Variants in RBMS1 observed in about 807,000 individuals in gnomAD.
The protein encoded by RBMS1 is RNA-binding motif, single-stranded-interacting protein 1.
A neutral mutation model predicts 62.3 loss-of-function variants in RBMS1; 17 were observed. The observed-to-expected ratio is 0.27, with a 90% CI of 0.19 to 0.41. RBMS1 has a LOEUF of 0.41. Ranked by LOEUF, RBMS1 falls within the 10% of genes least tolerant of loss-of-function variation. The pLI, the probability that RBMS1 is intolerant of heterozygous loss-of-function variation, is 1.00. For missense variants in RBMS1, 334 were observed against 504.5 expected (o/e 0.66, Z 3.24); for synonymous variants, 172 against 170.0 (o/e 1.01, Z -0.09).
chr2:160,272,870 T>C lies in RBMS1; in HGVS notation c.*1902A>G, dbSNP rs1687649891. 6.6e-6 allele frequency: 1 copy of C among 152,234 alleles called. No individual in the cohort carries two copies. Among genetic ancestry groups the C allele is most frequent in the Non-Finnish European group, 1.5e-5 (1 of 68,046 alleles). 9.4% of individuals were successfully genotyped at this position (152,234 alleles called of 1,614,324 possible). On this transcript the variant is annotated 3_prime_UTR_variant, in exon 14 of 14. Coordinates refer to ENST00000348849, the MANE Select transcript of RBMS1 (RefSeq NM_016836.4). ...TATGAAATGTCACTGACATCTATCATCAAATACAAGCATAAAATTTAAGAA... is the reference window on the plus strand; with the variant it reads ...TATGAAATGTCACTGACATCTATCACCAAATACAAGCATAAAATTTAAGAA...
chr2:160,388,396 C>T (rs1296368375), intron 1 of RBMS1, among the ~76,000 whole-genome samples: 1 of 152,100 alleles, frequency 6.6e-6, no homozygotes, highest in African/African-American at 2.4e-5. Context: ...AATGAGCACC[C>T]CAAGAGTTTC....
chr2:160,465,445 A>G (rs113641267), intron 1 of RBMS1, among the ~76,000 whole-genome samples: 155 of 152,314 alleles, frequency 1.0e-3, no homozygotes, highest in African/African-American at 3.6e-3. Flanking sequence ...TTGTTTGATA[A>G]AAGAAGCACC....
At chr2:160,448,451 C>T (rs930868350) in intron 1 of RBMS1, among the ~76,000 whole-genome samples, 1 of 152,248 alleles carries the variant, frequency 6.6e-6, no homozygotes, top group Non-Finnish European at 1.5e-5. Flanking sequence ...CGCGCAGCCA[C>T]GCCTGACTGG....
chr2:160,296,024 G>GGC (rs1688917586), intron 6 of RBMS1, among the ~76,000 whole-genome samples: 1 of 152,214 alleles, frequency 6.6e-6, no homozygotes, highest in African/African-American at 2.4e-5. Flanking sequence ...GTGGGGCCCT[G>GGC]CTCGTGCAAA....
In RBMS1 at chr2:160,458,231, C is replaced by T. The variant is rs144071109; in HGVS notation, c.75+35058G>A. 1.4e-3 allele frequency among the ~76,000 whole-genome samples: 207 copies of T among 152,138 alleles called. 1 individual carries two copies. The highest frequency in any genetic ancestry group is 2.3e-3 in the Non-Finnish European group (154 of 67,994). ...CTCCTGTCTGGGCTTCCCAAAGTGC[C>T]GGGATTACAGGCACCAGCCATGGCA... On this transcript the variant is annotated intron_variant, in intron 1 of 13. Coordinates refer to ENST00000348849, the MANE Select transcript of RBMS1 (RefSeq NM_016836.4).
chr2:160,487,220 C>A (rs1164982647), intron 1 of RBMS1, among the ~76,000 whole-genome samples: 2 of 152,132 alleles, frequency 1.3e-5, no homozygotes, highest in African/African-American at 4.8e-5. Flanking sequence ...TCTAAAATTC[C>A]CAGATTTATT....
chr2:160,363,921 G>A (rs546946765), intron 2 of RBMS1, among the ~76,000 whole-genome samples: 1 of 152,034 alleles, frequency 6.6e-6, no homozygotes, highest in African/African-American at 2.4e-5. Context: ...AAAAAGCTAG[G>A]GAAAATAAGA....
chr2:160,410,957 T>C (rs1321614062), intron 1 of RBMS1, among the ~76,000 whole-genome samples: 1 of 152,200 alleles, frequency 6.6e-6, no homozygotes, highest in African/African-American at 2.4e-5. Context: ...TTGGCCAGGA[T>C]GGTCTCGATC....
chr2:160,355,133 T>C (rs998344094), intron 2 of RBMS1, among the ~76,000 whole-genome samples: 1 of 152,134 alleles, frequency 6.6e-6, no homozygotes, highest in African/African-American at 2.4e-5. Flanking sequence ...AGTATAAACA[T>C]CTAAGAAAAT....
intron 1 of RBMS1, among the ~76,000 whole-genome samples, chr2:160,419,847 T>A (rs533554651): frequency 6.6e-6 from 1 of 152,340 alleles, no homozygotes; most frequent in African/African-American, 2.4e-5. Flanking sequence ...GTTATGAGAC[T>A]ACAGTCTGGA....
At chr2:160,303,965 G>T (rs995438451) in intron 4 of RBMS1, among the ~76,000 whole-genome samples, 1 of 151,972 alleles carries the variant, frequency 6.6e-6, no homozygotes. Flanking sequence ...CTGCTCTATG[G>T]CAAAGTTCAC....
At chr2:160,300,854 A>G (rs557781221) in intron 5 of RBMS1, 124 bp from the exon 6 acceptor site, 2 of 1,123,524 alleles carry the variant, frequency 1.8e-6, no homozygotes, top group South Asian at 4.7e-5. Context: ...AAAAATGTGA[A>G]TATGATAAAG....
intron 1 of RBMS1, among the ~76,000 whole-genome samples, chr2:160,482,169 T>A (rs1685398303): frequency 6.6e-6 from 1 of 151,762 alleles, no homozygotes; most frequent in Non-Finnish European, 1.5e-5. Flanking sequence ...CATCAATGAC[T>A]CAAACCAAAA....
chr2:160,305,189 AAGTATAC>A (rs1689434981), intron 4 of RBMS1, among the ~76,000 whole-genome samples: 2 of 152,174 alleles, frequency 1.3e-5, no homozygotes, highest in Non-Finnish European at 2.9e-5. Flanking sequence ...AATGTAGTCT[AAGTATAC>A]AGTGTTTATA....
At chr2:160,447,484 A>T (rs1041419829) in intron 1 of RBMS1, among the ~76,000 whole-genome samples, 2 of 152,240 alleles carry the variant, frequency 1.3e-5, no homozygotes, top group Non-Finnish European at 2.9e-5. Context: ...TGGTATTTTT[A>T]AAATGATACA....
intron 2 of RBMS1, among the ~76,000 whole-genome samples, chr2:160,320,968 G>A (rs954405861): frequency 6.6e-6 from 1 of 151,978 alleles, no homozygotes; most frequent in African/African-American, 2.4e-5. Flanking sequence ...TTGGGGTAAG[G>A]AGATTGAGAG....
chr2:160,400,660 CCTCA>C (rs1267815939), intron 1 of RBMS1, among the ~76,000 whole-genome samples: 3 of 151,992 alleles, frequency 2.0e-5, no homozygotes, highest in Non-Finnish European at 2.9e-5. Flanking sequence ...TACGTTTCCC[CCTCA>C]CTAACTCATG....
intron 2 of RBMS1, among the ~76,000 whole-genome samples, chr2:160,353,358 C>T (rs1312429893): frequency 6.6e-6 from 1 of 152,040 alleles, no homozygotes; most frequent in African/African-American, 2.4e-5. Context: ...CCAGCAATGA[C>T]CAGCCTCATC....
At position 160,419,958 on chromosome 2, in the gene RBMS1, C is replaced by T. The variant is rs115833322; in HGVS notation, c.76-52567G>A. 8.3e-3 allele frequency among the ~76,000 whole-genome samples: 1,260 copies of T among 152,256 alleles called. 21 individuals are homozygous for T. The highest frequency in any genetic ancestry group is 0.027 in the African/African-American group (1,115 of 41,538). Reference sequence around the variant, plus strand: ...TTCTACATTTGACAGTGAAAATACACGATTTTTAAATTAGCAGCTTATCTG... The same window carrying T: ...TTCTACATTTGACAGTGAAAATACATGATTTTTAAATTAGCAGCTTATCTG... On this transcript the variant is annotated intron_variant, in intron 1 of 13. Transcript: ENST00000348849.
Sources: gnomAD v4.1 joint callset for allele counts (sites outside exome capture counted in the v4.1 genomes callset) on GRCh38, gnomAD v4.1.1 for gene constraint, MANE v1.5 for transcripts, NCBI Gene and HGNC (gene_info 2026-07-23, HGNC 2026-07-21) for gene names.